Variants in SIPA1L1 observed in about 807,000 individuals in gnomAD.
SIPA1L1 encodes signal induced proliferation associated 1 like 1.
SIPA1L1 carries 26 observed loss-of-function variants against 162.7 expected under a neutral mutation model. That is an observed-to-expected ratio of 0.16 (90% CI 0.12 to 0.22). SIPA1L1 has a LOEUF of 0.22. Among genes scored for constraint, SIPA1L1 ranks in the 10% least tolerant of loss-of-function variants. The pLI is 1.00. For synonymous variants in SIPA1L1, 829 were observed against 837.4 expected, an observed-to-expected ratio of 0.99 and a Z score of 0.17; for missense variants, 1,874 against 2,241.0, an observed-to-expected ratio of 0.84 and a Z score of 3.31.
intron 5 of SIPA1L1, among the ~76,000 whole-genome samples, chr14:71,607,470 G>A (rs2037663655): frequency 1.3e-5 from 2 of 152,044 alleles, no homozygotes; most frequent in Non-Finnish European, 2.9e-5. Flanking sequence ...TTGAGCCCAG[G>A]AGTTCAAGAC....
intron 2 of SIPA1L1, among the ~76,000 whole-genome samples, chr14:71,485,531 A>G (rs1308413435): frequency 6.6e-6 from 1 of 151,980 alleles, no homozygotes; most frequent in Non-Finnish European, 1.5e-5. Context: ...ATGAGAATCT[A>G]ATGCCCGATG....
chr14:71,662,430 A>G (rs2043610687), intron 10 of SIPA1L1, among the ~76,000 whole-genome samples: 1 of 152,240 alleles, frequency 6.6e-6, no homozygotes, highest in Non-Finnish European at 1.5e-5. Flanking sequence ...GACATCTTAC[A>G]TGTATATCCC....
At chr14:71,351,602 C>T (rs2036713313) in intron 2 of SIPA1L1, among the ~76,000 whole-genome samples, 1 of 122,024 alleles carries the variant, frequency 8.2e-6, no homozygotes, top group Non-Finnish European at 1.8e-5. Flanking sequence ...TGTATGGTTT[C>T]CTAATACGGT....
chr14:71,729,261 C>G (rs987726970), intron 19 of SIPA1L1, among the ~76,000 whole-genome samples: 3 of 152,158 alleles, frequency 2.0e-5, no homozygotes, highest in African/African-American at 7.2e-5. Flanking sequence ...GTCTCAAACT[C>G]CTGACCTCAA....
At chr14:71,631,641 C>T (rs2040581092) in intron 7 of SIPA1L1, among the ~76,000 whole-genome samples, 1 of 151,972 alleles carries the variant, frequency 6.6e-6, no homozygotes, top group Non-Finnish European at 1.5e-5. Flanking sequence ...TACATTATGC[C>T]AAAGATAAAA....
At chr14:71,326,047 T>G (rs2033756822) in intron 2 of SIPA1L1, among the ~76,000 whole-genome samples, 2 of 152,154 alleles carry the variant, frequency 1.3e-5, no homozygotes. Flanking sequence ...GGATTCCTTT[T>G]TTCCTCTTTC....
intron 4 of SIPA1L1, chr14:71,574,633 CTA>C (rs2032684871): frequency 6.6e-6 from 1 of 152,016 alleles, no homozygotes; most frequent in Non-Finnish European, 1.5e-5. Flanking sequence ...ACACACAAGA[CTA>C]TGTTTTAAGA....
chr14:71,324,366 C>T lies in SIPA1L1; in HGVS notation c.-465+3185C>T, dbSNP rs141019179. ...AGGCAGTGATTGGAAGACAGGTGTC[C>T]ATATTTAATTGCACTCGTTTCTTTT... On this transcript the variant is annotated intron_variant, in intron 2 of 23. Coordinates refer to ENST00000381232, the MANE Select transcript of SIPA1L1 (RefSeq NM_001386936.1). Among the ~76,000 whole-genome samples the T allele has an allele frequency of 1.6e-3, 238 of 152,280 alleles. 1 individual carries two copies. The highest frequency in any genetic ancestry group is 5.5e-3 in the African/African-American group (230 of 41,558).
intron 2 of SIPA1L1, among the ~76,000 whole-genome samples, chr14:71,496,890 G>T (rs1337537807): frequency 6.6e-6 from 1 of 152,002 alleles, no homozygotes; most frequent in African/African-American, 2.4e-5. Flanking sequence ...AATGATCCTG[G>T]GCTGGGCGCG....
chr14:71,705,480 C>T (rs2082371978), intron 16 of SIPA1L1, 140 bp downstream of exon 16: 2 of 698,078 alleles, frequency 2.9e-6, no homozygotes, highest in African/African-American at 3.5e-5. Flanking sequence ...CTGCCATGGC[C>T]TTGCAGTTTC....
chr14:71,327,467 A>C (rs531794487), intron 2 of SIPA1L1, among the ~76,000 whole-genome samples: 1 of 152,326 alleles, frequency 6.6e-6, no homozygotes, highest in East Asian at 1.9e-4. Flanking sequence ...TTAGCTGCTA[A>C]CTGGACTGTG....
At position 71,381,401 on chromosome 14, in the gene SIPA1L1, A is replaced by G. The variant is rs188450521; in HGVS notation, c.-465+60220A>G. On this transcript the variant is annotated intron_variant, in intron 2 of 23. Coordinates refer to ENST00000381232, the MANE Select transcript of SIPA1L1 (RefSeq NM_001386936.1). ...TGGAATCCCCCTCACCCCGCCCTTC[A>G]TATTCGTATATTTGAAAGAAGCTAG... is the stretch of plus-strand genomic sequence containing the variant. 1.8e-3 allele frequency among the ~76,000 whole-genome samples: 274 copies of G among 152,234 alleles called. 2 individuals are homozygous for G. Among genetic ancestry groups the G allele is most frequent in the African/African-American group, 6.5e-3 (270 of 41,520 alleles).
chr14:71,689,072 T>C (rs1330614778), intron 13 of SIPA1L1, among the ~76,000 whole-genome samples: 3 of 152,162 alleles, frequency 2.0e-5, no homozygotes, highest in African/African-American at 4.8e-5. Flanking sequence ...CTTTAATTTG[T>C]ATGTAGTATC....
At chr14:71,469,122 G>A (rs373325683) in intron 2 of SIPA1L1, among the ~76,000 whole-genome samples, 2 of 151,634 alleles carry the variant, frequency 1.3e-5, no homozygotes, top group African/African-American at 4.8e-5. Context: ...TTACCAATCC[G>A]CAGAGTCCAC....
At chr14:71,604,296 C>G (rs919400161) in intron 5 of SIPA1L1, among the ~76,000 whole-genome samples, 1 of 152,038 alleles carries the variant, frequency 6.6e-6, no homozygotes, top group Non-Finnish European at 1.5e-5. Flanking sequence ...TGCACCTGGC[C>G]TTAGCTAATT....
At chr14:71,650,164 G>C in intron 7 of SIPA1L1, 171 bp from the exon 8 acceptor site, 1 of 705,760 alleles carries the variant, frequency 1.4e-6, no homozygotes, top group Non-Finnish European at 2.5e-6. Flanking sequence ...GAAGTTCGTA[G>C]ATACTTGCTC....
At chr14:71,327,712 A>T (rs954368056) in intron 2 of SIPA1L1, among the ~76,000 whole-genome samples, 1 of 152,182 alleles carries the variant, frequency 6.6e-6, no homozygotes, top group Non-Finnish European at 1.5e-5. Flanking sequence ...TTTCAGAAAC[A>T]CATGTTCTTG....
Position 71,685,583 on chromosome 14 carries a change from C to T in SIPA1L1, c.3326C>T (p.Ala1109Val). Reference sequence around the variant, plus strand: ...AAGATGCCTCCTCCAGAAAGAGCCGCCAACATCCCTCGAAGCATCTCCAGT... The same window carrying T: ...AAGATGCCTCCTCCAGAAAGAGCCGTCAACATCCCTCGAAGCATCTCCAGT... ...DGKMPPPERA[A>V]NIPRSISSDG... The change falls in exon 13 of 24, where the codon GCC (alanine) becomes GTC (valine). Residue 1109 changes from alanine to valine, a missense_variant. Physicochemically the swap from Ala to Val is moderately conservative, Grantham distance 64. Transcript: ENST00000381232. 3 of 1,614,206 alleles carry T rather than the reference C, an allele frequency of 1.9e-6. No homozygotes were observed. Among genetic ancestry groups the T allele is most frequent in the Non-Finnish European group, 2.5e-6 (3 of 1,180,040 alleles).
chr14:71,660,601 C>T (rs1287187152), intron 9 of SIPA1L1, among the ~76,000 whole-genome samples: 2 of 152,126 alleles, frequency 1.3e-5, no homozygotes, highest in Non-Finnish European at 2.9e-5. Context: ...AGCCTCCGTA[C>T]AGTAAGTTTG....
Sources: allele counts gnomAD v4.1 joint callset (sites outside exome capture counted in the v4.1 genomes callset), GRCh38; gene constraint gnomAD v4.1.1; transcripts MANE v1.5; gene names NCBI Gene and HGNC (gene_info 2026-07-23, HGNC 2026-07-21).